Variants in RYR3 observed in about 807,000 individuals in gnomAD.
The protein encoded by RYR3 is brain ryanodine receptor-calcium release channel.
RYR3 carries 207 observed loss-of-function variants against 584.3 expected under a neutral mutation model. The ratio of observed to expected loss-of-function variants is 0.35; its 90% CI spans 0.32 to 0.40. The LOEUF (loss-of-function observed/expected upper bound fraction) is 0.40. Among genes scored for constraint, RYR3 ranks in the 10% least tolerant of loss-of-function variants. The pLI, the probability that RYR3 is intolerant of heterozygous loss-of-function variation, is 1.00. For synonymous variants in RYR3, 2,416 were observed against 2,248.5 expected, an observed-to-expected ratio of 1.07 and a Z score of -2.11; for missense variants, 5,616 against 6,089.2, an observed-to-expected ratio of 0.92 and a Z score of 2.59.
intron 3 of RYR3, among the ~76,000 whole-genome samples, chr15:33,523,933 G>C (rs1280896040): frequency 6.6e-6 from 1 of 152,192 alleles, no homozygotes; most frequent in Non-Finnish European, 1.5e-5. Context: ...TCTGGAGTCA[G>C]TGTCTTAAAA....
intron 25 of RYR3, 137 bp from the exon 26 acceptor site, chr15:33,635,477 A>T (rs1054314740): frequency 4.5e-6 from 3 of 664,214 alleles, no homozygotes; most frequent in Non-Finnish European, 8.1e-6. Flanking sequence ...ACAGAATGCC[A>T]TATTGGATAG....
At chr15:33,635,240 A>T (rs1382400439) in intron 25 of RYR3, among the ~76,000 whole-genome samples, 1 of 152,178 alleles carries the variant, frequency 6.6e-6, no homozygotes, top group Non-Finnish European at 1.5e-5. Flanking sequence ...TTGAAGTCCA[A>T]TCTGGGTTTA....
At chr15:33,806,304 G>T (rs1426435450) in intron 69 of RYR3, among the ~76,000 whole-genome samples, 1 of 152,110 alleles carries the variant, frequency 6.6e-6, no homozygotes, top group African/African-American at 2.4e-5. Flanking sequence ...GATAGTTTAT[G>T]ATGTAAGCGT....
At chr15:33,791,789 G>C (rs1358345458) in intron 67 of RYR3, among the ~76,000 whole-genome samples, 1 of 152,150 alleles carries the variant, frequency 6.6e-6, no homozygotes, top group Non-Finnish European at 1.5e-5. Context: ...ATGTAAGGAG[G>C]TAATTATAAA....
intron 1 of RYR3, among the ~76,000 whole-genome samples, chr15:33,401,119 C>G (rs1332420540): frequency 6.6e-6 from 1 of 152,142 alleles, no homozygotes; most frequent in Non-Finnish European, 1.5e-5. Flanking sequence ...AAGTGTCCCC[C>G]TTGAGAGTGT....
At chr15:33,824,354 AAAATTTAAGCAGT>A (rs2077266784) in intron 81 of RYR3, among the ~76,000 whole-genome samples, 1 of 152,254 alleles carries the variant, frequency 6.6e-6, no homozygotes, top group African/African-American at 2.4e-5. Context: ...ATGTTTTTTA[AAAATTTAAGCAGT>A]AGGGAAGTTA....
intron 2 of RYR3, among the ~76,000 whole-genome samples, chr15:33,478,132 T>G (rs942688786): frequency 6.6e-6 from 1 of 151,966 alleles, no homozygotes; most frequent in Non-Finnish European, 1.5e-5. Context: ...TGGTTCAACT[T>G]TACATCCATA....
At chr15:33,666,800 A>G (rs940160937) in intron 36 of RYR3, among the ~76,000 whole-genome samples, 1 of 152,216 alleles carries the variant, frequency 6.6e-6, no homozygotes, top group African/African-American at 2.4e-5. Context: ...TTTCACTTCC[A>G]AGAGGACGTT....
At chr15:33,615,707 A>G (rs76678624) in intron 19 of RYR3, among the ~76,000 whole-genome samples, 1,723 of 152,296 alleles carry the variant, frequency 0.011, 30 homozygotes, top group African/African-American at 0.039. Context: ...AGGATATTTC[A>G]TCCCAATTCT....
intron 1 of RYR3, among the ~76,000 whole-genome samples, chr15:33,468,397 C>T (rs1284852948): frequency 6.6e-6 from 1 of 151,994 alleles, no homozygotes; most frequent in Non-Finnish European, 1.5e-5. Context: ...GCACAGAAGT[C>T]CAGAATGAAT....
Position 33,464,093 on chromosome 15 carries a change from A to C in RYR3, c.52-9326A>C, listed in dbSNP as rs547555680. Among the ~76,000 whole-genome samples the C allele has an allele frequency of 8.5e-5, 13 of 152,222 alleles. No individual in the cohort carries two copies. In the East Asian group the frequency reaches 2.3e-3, roughly 27 times the overall value. On this transcript the variant is annotated intron_variant, in intron 1 of 103. Transcript: ENST00000634891. Reference sequence around the variant, plus strand: ...TGAATATACAATGGTGAACAGAATCATATGCATGAAGGTTATTAATGAGGA... The same window carrying C: ...TGAATATACAATGGTGAACAGAATCCTATGCATGAAGGTTATTAATGAGGA...
chr15:33,796,583 T>C (rs1384023463), intron 67 of RYR3, among the ~76,000 whole-genome samples: 1 of 152,212 alleles, frequency 6.6e-6, no homozygotes, highest in Non-Finnish European at 1.5e-5. Flanking sequence ...TTGTTATAAA[T>C]TTAAGGGTTA....
intron 24 of RYR3, 88 bp from the exon 25 acceptor site, chr15:33,634,498 A>C: frequency 1.4e-6 from 2 of 1,390,734 alleles, no homozygotes; most frequent in East Asian, 2.3e-5. Context: ...CCAGAAAGCC[A>C]GGACTGTTGC....
chr15:33,557,625 C>G (rs1230095949), intron 10 of RYR3, among the ~76,000 whole-genome samples: 1 of 152,080 alleles, frequency 6.6e-6, no homozygotes, highest in Non-Finnish European at 1.5e-5. Context: ...CTCCATGACC[C>G]ACCCACCTCG....
intron 1 of RYR3, among the ~76,000 whole-genome samples, chr15:33,379,506 AT>A (rs1292909334): frequency 1.1e-4 from 16 of 152,048 alleles, no homozygotes; most frequent in Non-Finnish European, 1.6e-4. Context: ...CCTCGATTTC[AT>A]TACTCTTCAG....
At chr15:33,687,379 G>A (rs1428206671) in intron 38 of RYR3, among the ~76,000 whole-genome samples, 2 of 152,118 alleles carry the variant, frequency 1.3e-5, no homozygotes, top group African/African-American at 2.4e-5. Flanking sequence ...CCTCTTCAAG[G>A]AGAACTACAA....
chr15:33,696,405 C>T lies in RYR3; in HGVS notation c.6048C>T (p.Asn2016=), dbSNP rs750953508. ...ACACCTCTGTAAGCGACACCATCAA[C>T]CTGCTGGCTGCCCTGGGCCAAATCC... The part of the protein sequence containing the change: ...ISHTSVSDTI[N]LLAALGQIRS... Residue 2016 remains asparagine (N), a synonymous_variant, in exon 39 of 104, where the codon AAC becomes AAT. Coordinates refer to ENST00000634891, the MANE Select transcript of RYR3 (RefSeq NM_001036.6). The T allele has an allele frequency of 1.5e-5, 24 of 1,613,956 alleles. No homozygotes were observed. Among genetic ancestry groups the T allele is most frequent in the Non-Finnish European group, 2.0e-5 (24 of 1,179,882 alleles).
intron 1 of RYR3, among the ~76,000 whole-genome samples, chr15:33,447,546 G>A (rs2046773409): frequency 1.3e-5 from 2 of 152,184 alleles, no homozygotes; most frequent in South Asian, 4.1e-4. Context: ...ATTGGGTTGT[G>A]CTCCCTCTGG....
chr15:33,520,148 C>T (rs1248546744), intron 3 of RYR3, among the ~76,000 whole-genome samples: 1 of 152,166 alleles, frequency 6.6e-6, no homozygotes, highest in Non-Finnish European at 1.5e-5. Flanking sequence ...TGACCTTCTG[C>T]TTTATAGCTT....
Sources: allele counts gnomAD v4.1 joint callset (sites outside exome capture counted in the v4.1 genomes callset), GRCh38; gene constraint gnomAD v4.1.1; transcripts MANE v1.5; gene names NCBI Gene and HGNC (gene_info 2026-07-23, HGNC 2026-07-21).